CEP350: variants seen among roughly 807,000 people sequenced by gnomAD.
CEP350 encodes the protein centrosomal protein 350.
In CEP350, 126 loss-of-function variants were observed where a neutral mutation model predicts 331.8. The observed-to-expected ratio is 0.38, with a 90% confidence interval of 0.33 to 0.44. The LOEUF is 0.44. Among genes scored for constraint, CEP350 ranks in the 20% least tolerant of loss-of-function variants. The probability of loss-of-function intolerance (pLI) is 1.00; values close to 1 mark genes in which losing one functional copy is unlikely to be tolerated. For missense variants in CEP350, 3,406 were observed against 3,634.6 expected (o/e 0.94, Z 1.62); for synonymous variants, 1,200 against 1,259.5 (o/e 0.95, Z 1.00).
intron 1 of CEP350, among the ~76,000 whole-genome samples, chr1:179,970,717 G>A (rs1023328796): frequency 3.3e-5 from 5 of 152,188 alleles, no homozygotes; most frequent in African/African-American, 1.2e-4. Flanking sequence ...CTATGTGATT[G>A]GATGAAAACA....
chr1:180,059,108 G>A (rs1658043778), intron 25 of CEP350, among the ~76,000 whole-genome samples: 1 of 152,116 alleles, frequency 6.6e-6, no homozygotes, highest in African/African-American at 2.4e-5. Context: ...GTATTCCTTA[G>A]AAGTTGTCTC....
chr1:180,070,517 G>A (rs749653521), intron 27 of CEP350, among the ~76,000 whole-genome samples: 22 of 152,090 alleles, frequency 1.4e-4, no homozygotes, highest in Non-Finnish European at 2.5e-4. Context: ...GGCTCTTAGG[G>A]AAGCCATAAA....
chr1:180,053,113 G>T lies in CEP350; in HGVS notation c.4936G>T (p.Asp1646Tyr). Reference sequence around the variant, plus strand: ...CATGGAAAAGAGAAGAGGTCATCATGATGACTCTGATGAAGAAGCTTCTCC... The same window carrying T: ...CATGGAAAAGAGAAGAGGTCATCATTATGACTCTGATGAAGAAGCTTCTCC... ...FNMEKRRGHH[D>Y]DSDEEASPEK... is the part of the protein sequence containing the mutation. Residue 1646 changes from aspartate (D) to tyrosine (Y), a missense_variant, in exon 23 of 38, where the codon GAT becomes TAT. Coordinates refer to ENST00000367607, the MANE Select transcript of CEP350 (RefSeq NM_014810.5). 6.2e-7 allele frequency: 1 copy of T among 1,605,416 alleles called. No homozygotes were observed. Among genetic ancestry groups the T allele is most frequent in the Non-Finnish European group, 8.5e-7 (1 of 1,176,138 alleles).
At position 179,987,273 on chromosome 1, in the gene CEP350, A is replaced by C. The variant is rs758576111; in HGVS notation, c.107A>C (p.Gln36Pro). 5 of 1,563,312 alleles carry C rather than the reference A, an allele frequency of 3.2e-6. No homozygotes were observed. The South Asian group carries it at 5.7e-5, about 18-fold the overall frequency. The change falls in exon 3 of 38, where the codon CAA (glutamine) becomes CCA (proline). Residue 36 changes from glutamine to proline, a missense_variant. Physicochemically the swap from Gln to Pro is moderately conservative, Grantham distance 76. Around this residue, in one of 5 missense-constraint regions of CEP350, gnomAD observed 1,857 missense variants for 1,909.2 expected, o/e 0.97. Coordinates refer to ENST00000367607, the MANE Select transcript of CEP350 (RefSeq NM_014810.5). ...ACCACATCGTGGGATGCACTTTCTC[A>C]AACCAAGGCTGCTGTAAGTAGTTTT... is the stretch of plus-strand genomic sequence containing the variant. ...DITTSWDALSQTKAALRHIEN... is the reference protein window; with the variant it reads ...DITTSWDALSPTKAALRHIEN...
At chr1:180,045,207 T>A (rs564271022) in intron 21 of CEP350, among the ~76,000 whole-genome samples, 1 of 152,104 alleles carries the variant, frequency 6.6e-6, no homozygotes, top group Non-Finnish European at 1.5e-5. Context: ...CCATGCGTGG[T>A]GGCGTGTGCC....
intron 13 of CEP350, 147 bp from the exon 14 acceptor site, chr1:180,024,272 G>A (rs1433267098): frequency 1.6e-6 from 1 of 625,022 alleles, no homozygotes; most frequent in East Asian, 3.1e-5. Context: ...CCAGGCTTAT[G>A]GTGGTTAAAA....
chr1:180,045,037 A>G lies in CEP350; in HGVS notation c.4622+864A>G, dbSNP rs546250975. The stretch of plus-strand genomic sequence containing the variant: ...ATATTTCTTGATGTTACAAATTTTT[A>G]TTGTTATAAAAAATATTGAATAGGC... On this transcript the variant is annotated intron_variant, in intron 21 of 37. Coordinates refer to ENST00000367607, the MANE Select transcript of CEP350 (RefSeq NM_014810.5). Among the ~76,000 whole-genome samples, 4 of 147,562 alleles carry G rather than the reference A, an allele frequency of 2.7e-5. No individual in the cohort carries two copies. In the East Asian group the frequency reaches 7.7e-4, roughly 29 times the overall value.
At chr1:180,066,984 C>A (rs1474975164) in intron 27 of CEP350, among the ~76,000 whole-genome samples, 1 of 152,164 alleles carries the variant, frequency 6.6e-6, no homozygotes, top group Non-Finnish European at 1.5e-5. Flanking sequence ...GTAAAATCTT[C>A]ATTGCCAGTC....
chr1:179,967,388 A>G (rs1290606187), intron 1 of CEP350, among the ~76,000 whole-genome samples: 1 of 152,170 alleles, frequency 6.6e-6, no homozygotes, highest in Non-Finnish European at 1.5e-5. Flanking sequence ...TAATAGTAAT[A>G]GCACTGGCTA....
intron 12 of CEP350, among the ~76,000 whole-genome samples, chr1:180,021,849 T>C (rs1221456128): frequency 6.6e-6 from 1 of 152,196 alleles, no homozygotes; most frequent in Non-Finnish European, 1.5e-5. Flanking sequence ...ATATATTTGA[T>C]TCCTAAAACA....
At chr1:180,051,056 AT>A (rs1657466780) in intron 22 of CEP350, among the ~76,000 whole-genome samples, 1 of 152,222 alleles carries the variant, frequency 6.6e-6, no homozygotes, top group Non-Finnish European at 1.5e-5. Context: ...TTGAAAACTT[AT>A]GTCTACATAA....
rs527318487 is a variant in CEP350 at position 180,095,745 on chromosome 1, A to G, written c.8734A>G (p.Thr2912Ala). The G allele has an allele frequency of 3.9e-5, 63 of 1,614,016 alleles. No homozygotes were observed. In the South Asian group the frequency reaches 6.8e-4, roughly 17 times the overall value. Residue 2912 changes from threonine (T) to alanine (A), a missense_variant, in exon 35 of 38, where the codon ACA becomes GCA. Around this residue, in one of 5 missense-constraint regions of CEP350, gnomAD observed 1,415 missense variants for 1,512.3 expected, o/e 0.94. Coordinates refer to ENST00000367607, the MANE Select transcript of CEP350 (RefSeq NM_014810.5). ...PKRVTQQPCE[T>A]LLAVPHTAEE... ...AAGAGTAACCCAACAACCATGTGAA[A>G]CATTATTGGCAGTCCCCCATACTGC...
intron 1 of CEP350, among the ~76,000 whole-genome samples, chr1:179,967,956 G>A (rs547632731): frequency 6.6e-6 from 1 of 152,216 alleles, no homozygotes; most frequent in Admixed American, 6.5e-5. Flanking sequence ...TGGATTCTGA[G>A]ACTTATCAAT....
intron 9 of CEP350, among the ~76,000 whole-genome samples, chr1:180,013,241 TAA>T (rs1024582157): frequency 2.6e-5 from 4 of 152,198 alleles, no homozygotes; most frequent in African/African-American, 9.6e-5. Flanking sequence ...ACAGGAAATA[TAA>T]AGTTTCAGAA....
chr1:180,056,707 C>G (rs114772687), intron 25 of CEP350, among the ~76,000 whole-genome samples: 5,784 of 152,070 alleles, frequency 0.038, 129 homozygotes, highest in Middle Eastern at 0.14. Flanking sequence ...AGTGATCCCC[C>G]CACGTTGGCC....
At chr1:180,042,700 A>G (rs1332194378) in intron 19 of CEP350, among the ~76,000 whole-genome samples, 1 of 152,238 alleles carries the variant, frequency 6.6e-6, no homozygotes, top group African/African-American at 2.4e-5. Flanking sequence ...AATGTACTTG[A>G]CCTGTTGGTC....
rs1271327949 is a variant in CEP350, at chr1:180,114,478, T to C, written c.*3317T>C. ...ATAAAATATCTTTGTATTATAAAAA[T>C]GTGAAGAAAAAATGTAAACTGATGT... On this transcript the variant is annotated 3_prime_UTR_variant, in exon 38 of 38. Transcript: ENST00000367607. The C allele has an allele frequency of 6.6e-6, 1 of 152,668 alleles. No individual in the cohort carries two copies. The highest frequency in any genetic ancestry group is 2.4e-5 in the African/African-American group (1 of 41,474). 9.5% of individuals were successfully genotyped at this position (152,668 alleles called of 1,614,324 possible). A position where few individuals can be genotyped will look rare whatever the true frequency, so the allele number is the denominator to read the frequency against.
chr1:179,998,299 TTTTC>T (rs1558088463), intron 6 of CEP350, among the ~76,000 whole-genome samples: 40 of 138,620 alleles, frequency 2.9e-4, no homozygotes, highest in African/African-American at 1.0e-3. Flanking sequence ...GTTTCTTCTA[TTTTC>T]TTTTTTTTTT....
chr1:180,114,642 TG>T lies in CEP350; in HGVS notation c.*3482del, dbSNP rs1277366774. 6.6e-6 allele frequency: 1 copy of T among 152,574 alleles called. No individual in the cohort carries two copies. Among genetic ancestry groups the T allele is most frequent in the Non-Finnish European group, 1.5e-5 (1 of 68,030 alleles). The allele number at this position is 152,574 out of a possible 1,614,324, so 9.5% of individuals were successfully genotyped here. A position where few individuals can be genotyped will look rare whatever the true frequency, so the allele number is the denominator to read the frequency against. On this transcript the variant is annotated 3_prime_UTR_variant, in exon 38 of 38. Transcript: ENST00000367607. ...TTGTGTGTACTGTACTGTGCAGACATGAAAAAATAAACCCGTTTACTGTGTG... is the reference window on the plus strand; with the variant it reads ...TTGTGTGTACTGTACTGTGCAGACATAAAAAATAAACCCGTTTACTGTGTG...
Sources: gnomAD v4.1 joint callset for allele counts (sites outside exome capture counted in the v4.1 genomes callset) on GRCh38, gnomAD v4.1.1 for gene constraint, gnomAD v4.1.1 regional missense constraint, MANE v1.5 for transcripts, NCBI Gene and HGNC (gene_info 2026-07-23, HGNC 2026-07-21) for gene names.